The following CNTNAP4 variants were observed in gnomAD, a reference collection of about 807,000 sequenced individuals.
The protein encoded by CNTNAP4 is contactin associated protein family member 4.
A neutral mutation model predicts 148.4 loss-of-function variants in CNTNAP4; 98 were observed. The ratio of observed to expected loss-of-function variants is 0.66; its 90% CI spans 0.56 to 0.78. CNTNAP4 has a LOEUF of 0.78. Ranked by LOEUF, CNTNAP4 falls within the 30% of genes least tolerant of loss-of-function variation. The pLI, the probability that CNTNAP4 is intolerant of heterozygous loss-of-function variation, is 0.00. For synonymous variants in CNTNAP4, 730 were observed against 565.1 expected (o/e 1.29, Z -4.14); for missense variants, 1,935 against 1,565.6 (o/e 1.24, Z -3.98).
intron 12 of CNTNAP4, among the ~76,000 whole-genome samples, chr16:76,486,428 G>C (rs1231377350): frequency 6.6e-6 from 1 of 152,078 alleles, no homozygotes; most frequent in African/African-American, 2.4e-5. Flanking sequence ...GCATACGGAG[G>C]CAACACTGGA....
intron 3 of CNTNAP4, among the ~76,000 whole-genome samples, chr16:76,368,902 C>A (rs1345909155): frequency 6.6e-6 from 1 of 152,062 alleles, no homozygotes; most frequent in Middle Eastern, 3.2e-3. Flanking sequence ...TCAATGGCTG[C>A]GTTAGACCAG....
chr16:76,388,045 C>G (rs1036727849), intron 3 of CNTNAP4, among the ~76,000 whole-genome samples: 1 of 152,190 alleles, frequency 6.6e-6, no homozygotes, highest in Non-Finnish European at 1.5e-5. Flanking sequence ...GCCCCATACT[C>G]AAGGGTTTTG....
intron 1 of CNTNAP4, among the ~76,000 whole-genome samples, chr16:76,312,748 G>A (rs1242837909): frequency 1.3e-5 from 2 of 152,110 alleles, no homozygotes. Context: ...TATAGATACG[G>A]TTCTATCACA....
chr16:76,445,409 A>G (rs911575975), intron 4 of CNTNAP4, among the ~76,000 whole-genome samples: 4 of 152,164 alleles, frequency 2.6e-5, no homozygotes, highest in Non-Finnish European at 5.9e-5. Context: ...TTTAAATCCC[A>G]GAATCTGGCA....
chr16:76,548,390 C>T (rs985291196), intron 21 of CNTNAP4, among the ~76,000 whole-genome samples: 1 of 140,456 alleles, frequency 7.1e-6, no homozygotes, highest in African/African-American at 2.6e-5. Flanking sequence ...ATAGGTAGGA[C>T]ATATAAAGTA....
At chr16:76,545,307 C>G (rs1047402796) in intron 21 of CNTNAP4, among the ~76,000 whole-genome samples, 1 of 152,096 alleles carries the variant, frequency 6.6e-6, no homozygotes, top group Non-Finnish European at 1.5e-5. Flanking sequence ...GCTGGCCATA[C>G]CTAGAAGCTT....
intron 1 of CNTNAP4, among the ~76,000 whole-genome samples, chr16:76,310,534 A>G (rs536965741): frequency 1.9e-3 from 282 of 152,162 alleles, no homozygotes; most frequent in Non-Finnish European, 2.2e-3. Flanking sequence ...TAAATAAACT[A>G]TTTTCTGATG....
At chr16:76,472,469 C>G (rs1056207789) in intron 10 of CNTNAP4, among the ~76,000 whole-genome samples, 1 of 151,900 alleles carries the variant, frequency 6.6e-6, no homozygotes, top group Non-Finnish European at 1.5e-5. Context: ...ATGTTGAACT[C>G]TTTTTAAAAC....
In CNTNAP4 at chr16:76,314,190, A is replaced by G. The variant is rs145563444; in HGVS notation, c.86-2223A>G. On this transcript the variant is annotated intron_variant, in intron 1 of 23. Transcript: ENST00000611870. ...ATGTAAATGTATGTGCATGTGTAAT[A>G]TATTTTATATGAAACATCATAATTA... Among the ~76,000 whole-genome samples, 6 of 152,372 alleles carry G rather than the reference A, an allele frequency of 3.9e-5. No individual in the cohort carries two copies. In the East Asian group the frequency reaches 7.7e-4, roughly 20 times the overall value.
In CNTNAP4 at chr16:76,489,893, C is replaced by G. The variant is rs770085695; in HGVS notation, c.2080+10C>G. ...CTGGTCAATAAGCAAGGTAAGTAAA[C>G]CATGGTGTCTGTCTTGTTGCACACA... On this transcript the variant is annotated intron_variant, in intron 13 of 23. Coordinates refer to ENST00000611870, the MANE Select transcript of CNTNAP4 (RefSeq NM_033401.5). The G allele has an allele frequency of 6.6e-7, 1 of 1,526,174 alleles. No homozygotes were observed. The highest frequency in any genetic ancestry group is 1.4e-5 in the African/African-American group (1 of 73,074). 94.5% of individuals were successfully genotyped at this position (1,526,174 alleles called of 1,614,324 possible). A position where few individuals can be genotyped will look rare whatever the true frequency, so the allele number is the denominator to read the frequency against.
chr16:76,278,024 A>C (rs142500825), intron 1 of CNTNAP4, among the ~76,000 whole-genome samples: 2 of 152,296 alleles, frequency 1.3e-5, no homozygotes, highest in African/African-American at 2.4e-5. Context: ...AGTTCTAGTA[A>C]AACATGAAAT....
intron 3 of CNTNAP4, among the ~76,000 whole-genome samples, chr16:76,385,499 C>T (rs1419415302): frequency 2.0e-5 from 3 of 151,326 alleles, no homozygotes; most frequent in African/African-American, 7.3e-5. Flanking sequence ...GCAATGTTTC[C>T]TTTCAGTCTT....
intron 12 of CNTNAP4, among the ~76,000 whole-genome samples, chr16:76,480,895 A>G (rs567431506): frequency 1.9e-4 from 29 of 152,358 alleles, no homozygotes; most frequent in African/African-American, 5.3e-4. Flanking sequence ...ATCAACAAGC[A>G]TATTCTAAAA....
intron 21 of CNTNAP4, among the ~76,000 whole-genome samples, chr16:76,542,872 A>G (rs115133955): frequency 0.019 from 2,841 of 152,288 alleles, 88 homozygotes; most frequent in African/African-American, 0.064. Flanking sequence ...AGAAATTTTA[A>G]GTAGGTTTTC....
At chr16:76,409,807 T>G (rs2078728061) in intron 3 of CNTNAP4, among the ~76,000 whole-genome samples, 1 of 151,902 alleles carries the variant, frequency 6.6e-6, no homozygotes, top group South Asian at 2.1e-4. Flanking sequence ...TGGGGTGACT[T>G]GGATGTTAAA....
intron 2 of CNTNAP4, among the ~76,000 whole-genome samples, chr16:76,317,110 T>TA (rs11449096): frequency 0.47 from 70,689 of 151,418 alleles, 17,102 homozygotes; most frequent in African/African-American, 0.58. Flanking sequence ...TACAAAATAA[T>TA]AAAAATAAAT....
At position 76,453,089 on chromosome 16, in the gene CNTNAP4, A is replaced by G. The variant is rs191008272; in HGVS notation, c.1333+320A>G. On this transcript the variant is annotated intron_variant, in intron 8 of 23. Coordinates refer to ENST00000611870, the MANE Select transcript of CNTNAP4 (RefSeq NM_033401.5). ...GGGGAAAACATGAAGACCTTGAAAT[A>G]GGCCAACAAGTTAACTAAGTGTTCT... Among the ~76,000 whole-genome samples, 33 of 152,316 alleles carry G rather than the reference A, an allele frequency of 2.2e-4. 1 individual carries two copies. In the East Asian group the frequency reaches 4.3e-3, roughly 20 times the overall value.
intron 3 of CNTNAP4, among the ~76,000 whole-genome samples, chr16:76,410,212 G>T (rs570603526): frequency 1.3e-5 from 2 of 151,770 alleles, no homozygotes; most frequent in Non-Finnish European, 3.0e-5. Flanking sequence ...TATTTCACTT[G>T]TTGCTGGAAT....
intron 1 of CNTNAP4, among the ~76,000 whole-genome samples, chr16:76,307,292 T>C (rs1487919007): frequency 1.3e-5 from 2 of 151,830 alleles, no homozygotes; most frequent in Non-Finnish European, 2.9e-5. Context: ...ATTGTTTGAC[T>C]GCATTAATCA....
Sources: allele counts gnomAD v4.1 joint callset (sites outside exome capture counted in the v4.1 genomes callset), GRCh38; gene constraint gnomAD v4.1.1; transcripts MANE v1.5; gene names NCBI Gene and HGNC (gene_info 2026-07-23, HGNC 2026-07-21).